Variants in POLR3E observed in about 807,000 individuals in gnomAD.
The protein encoded by POLR3E is DNA-directed RNA polymerase III subunit RPC5.
A neutral mutation model predicts 96.6 loss-of-function variants in POLR3E; 41 were observed. The ratio of observed to expected loss-of-function variants is 0.42; its 90% confidence interval spans 0.33 to 0.55. The LOEUF (loss-of-function observed/expected upper bound fraction) is 0.55, where lower values mean the gene tolerates loss of function less well. Ranked by LOEUF, POLR3E falls within the 20% of genes least tolerant of loss-of-function variation. The pLI is 0.06. For missense variants in POLR3E, 849 were observed against 952.1 expected (o/e 0.89, Z 1.43); for synonymous variants, 396 against 383.6 (o/e 1.03, Z -0.38).
chr16:22,325,440 A>T, intron 17 of POLR3E, 174 bp downstream of exon 17: 1 of 660,086 alleles, frequency 1.5e-6, no homozygotes, highest in Non-Finnish European at 2.7e-6. Context: ...TCGCTTGCCC[A>T]GCAGCAGAGC....
chr16:22,299,218 G>A (rs1045393676), intron 1 of POLR3E, among the ~76,000 whole-genome samples: 2 of 152,126 alleles, frequency 1.3e-5, no homozygotes, highest in African/African-American at 2.4e-5. Flanking sequence ...AATAGATGAT[G>A]TGCAAAGGAC....
chr16:22,298,117 A>G (rs915574647), intron 1 of POLR3E, among the ~76,000 whole-genome samples: 1 of 152,262 alleles, frequency 6.6e-6, no homozygotes, highest in Admixed American at 6.5e-5. Context: ...TGTTCCGGAT[A>G]CAGCCCTGAC....
Position 22,316,967 on chromosome 16 carries a change from A to G in POLR3E, c.729-28A>G, listed in dbSNP as rs766290987. Reference sequence around the variant, plus strand: ...GAGGGTCCAGCCTGGATCAGCCCTGAGCCTCTGCCCCTGCCATGTCCCTGC... The same window carrying G: ...GAGGGTCCAGCCTGGATCAGCCCTGGGCCTCTGCCCCTGCCATGTCCCTGC... On this transcript the variant is annotated intron_variant, in intron 10 of 20. Transcript: ENST00000299853. The G allele has an allele frequency of 4.3e-6, 7 of 1,613,204 alleles. No individual in the cohort carries two copies. In the South Asian group the frequency reaches 6.6e-5, roughly 15 times the overall value.
Position 22,325,882 on chromosome 16 carries a change from G to T in POLR3E, c.1470G>T (p.Ala490=), listed in dbSNP as rs377660610. The change falls in exon 18 of 21, where the codon GCG becomes GCT. Residue 490 remains alanine (A), a synonymous_variant. Coordinates refer to ENST00000299853, the MANE Select transcript of POLR3E (RefSeq NM_018119.4). ...GGAAGGAGCAGCTGCGGGTGCCTGCGGTCCCGCCCGGTGTGCGGATCAAGG... is the reference window on the plus strand; with the variant it reads ...GGAAGGAGCAGCTGCGGGTGCCTGCTGTCCCGCCCGGTGTGCGGATCAAGG... The part of the protein sequence containing the change: ...QRRKEQLRVP[A]VPPGVRIKEE... 4 of 1,609,462 alleles carry T rather than the reference G, an allele frequency of 2.5e-6. No homozygotes were observed. In the Admixed American group the frequency reaches 5.1e-5, roughly 20 times the overall value.
rs144544675 is a variant in POLR3E, at chr16:22,317,671, T to G, written c.865+465T>G. On this transcript the variant is annotated intron_variant, in intron 12 of 20. Coordinates refer to ENST00000299853, the MANE Select transcript of POLR3E (RefSeq NM_018119.4). Reference sequence around the variant, plus strand: ...TGTTGTTGTTGTTGTTGTTGTTTTTTTTTTTAAGGTTTTTTTAAAGGTTTT... The same window carrying G: ...TGTTGTTGTTGTTGTTGTTGTTTTTGTTTTTAAGGTTTTTTTAAAGGTTTT... Among the ~76,000 whole-genome samples the G allele has an allele frequency of 4.3e-3, 643 of 150,298 alleles. 13 individuals are homozygous for G. In the East Asian group the frequency reaches 0.074, roughly 17 times the overall value.
In POLR3E at chr16:22,334,379, TCA is replaced by T. The variant is rs1388206416; in HGVS notation, c.*683_*684del. On this transcript the variant is annotated 3_prime_UTR_variant, in exon 21 of 21. Coordinates refer to ENST00000299853, the MANE Select transcript of POLR3E (RefSeq NM_018119.4). ...ATGGAACAATGTGTAAGTGAGGTTA[TCA>T]CACTTTGATGTAAAAATTTCTATTT... The T allele has an allele frequency of 6.6e-6, 1 of 152,246 alleles. No individual in the cohort carries two copies. The highest frequency in any genetic ancestry group is 1.5e-5 in the Non-Finnish European group (1 of 68,036). 9.4% of individuals were successfully genotyped at this position (152,246 alleles called of 1,614,324 possible). A position where few individuals can be genotyped will look rare whatever the true frequency, so the allele number is the denominator to read the frequency against.
intron 13 of POLR3E, among the ~76,000 whole-genome samples, chr16:22,320,770 G>A (rs955752149): frequency 1.3e-5 from 2 of 152,038 alleles, no homozygotes; most frequent in African/African-American, 4.8e-5. Context: ...CTTGGTTTTT[G>A]TGTGTCTGGA....
intron 19 of POLR3E, among the ~76,000 whole-genome samples, chr16:22,330,851 T>C (rs1275876141): frequency 1.3e-5 from 2 of 152,192 alleles, no homozygotes; most frequent in African/African-American, 4.8e-5. Flanking sequence ...CTCCTCTTAA[T>C]GTTTGCAGAA....
chr16:22,327,336 T>G (rs2048620047), intron 18 of POLR3E: 1 of 152,122 alleles, frequency 6.6e-6, no homozygotes, highest in Non-Finnish European at 1.5e-5. Flanking sequence ...ACTGGCAGAG[T>G]TCGGAGCTCC....
At position 22,324,769 on chromosome 16, in the gene POLR3E, G is replaced by A. The variant is rs116674302; in HGVS notation, c.1286+109G>A. 3.0e-4 allele frequency: 366 copies of A among 1,239,320 alleles called. 1 individual carries two copies. In the African/African-American group the frequency reaches 5.1e-3, roughly 17 times the overall value. The allele number at this position is 1,239,320 out of a possible 1,614,324, so 76.8% of individuals were successfully genotyped here. A position where few individuals can be genotyped will look rare whatever the true frequency, so the allele number is the denominator to read the frequency against. On this transcript the variant is annotated intron_variant, in intron 16 of 20. Coordinates refer to ENST00000299853, the MANE Select transcript of POLR3E (RefSeq NM_018119.4). ...CAATCTCTAGAAACCCCACATCTGGGGAGAGCGCAGTTGGGCTGGATCTGG... is the reference window on the plus strand; with the variant it reads ...CAATCTCTAGAAACCCCACATCTGGAGAGAGCGCAGTTGGGCTGGATCTGG...
chr16:22,314,947 A>C, intron 8 of POLR3E, 142 bp from the exon 9 acceptor site: 1 of 830,130 alleles, frequency 1.2e-6, no homozygotes, highest in Non-Finnish European at 1.8e-6. Context: ...TTGGAACGGA[A>C]TTTAAACGAC....
chr16:22,319,634 C>G (rs578251357), intron 13 of POLR3E, among the ~76,000 whole-genome samples: 1 of 152,176 alleles, frequency 6.6e-6, no homozygotes, highest in South Asian at 2.1e-4. Flanking sequence ...CTCCTGACCT[C>G]GTGATCTGCC....
At chr16:22,305,894 C>T (rs747408932) in intron 3 of POLR3E, among the ~76,000 whole-genome samples, 15 of 152,266 alleles carry the variant, frequency 9.9e-5, no homozygotes, top group Non-Finnish European at 1.5e-4. Flanking sequence ...ATTTTATAAC[C>T]GATATATTGA....
At chr16:22,312,949 G>C (rs2048279091) in intron 6 of POLR3E, among the ~76,000 whole-genome samples, 1 of 149,968 alleles carries the variant, frequency 6.7e-6, no homozygotes, top group South Asian at 2.1e-4. Flanking sequence ...AAACTAATCT[G>C]AACACTTAGG....
intron 3 of POLR3E, among the ~76,000 whole-genome samples, chr16:22,306,219 A>G (rs975449386): frequency 3.3e-5 from 5 of 152,074 alleles, no homozygotes; most frequent in Admixed American, 1.3e-4. Context: ...GCTCATCCAC[A>G]TGGTAGCTAT....
chr16:22,320,669 G>A (rs1292765372), intron 13 of POLR3E, among the ~76,000 whole-genome samples: 2 of 152,062 alleles, frequency 1.3e-5, no homozygotes, highest in African/African-American at 4.8e-5. Flanking sequence ...ATTTCTTTCT[G>A]CATCTCTAAG....
In POLR3E at chr16:22,319,047, T is replaced by C. The variant is rs562346056; in HGVS notation, c.986+101T>C. 129 of 795,674 alleles carry C rather than the reference T, an allele frequency of 1.6e-4. No individual in the cohort carries two copies. The African/African-American group carries it at 2.1e-3, about 13-fold the overall frequency. The allele number at this position is 795,674 out of a possible 1,614,324, so 49.3% of individuals were successfully genotyped here. A position where few individuals can be genotyped will look rare whatever the true frequency, so the allele number is the denominator to read the frequency against. On this transcript the variant is annotated intron_variant, in intron 13 of 20. Coordinates refer to ENST00000299853, the MANE Select transcript of POLR3E (RefSeq NM_018119.4). ...TGGTGTGTAGTGGCGCAATCTCGGC[T>C]CACTGTAACTTCTCCCTCCCAGGTC...
At chr16:22,312,457 A>G (rs2141759152) in intron 6 of POLR3E, among the ~76,000 whole-genome samples, 1 of 152,252 alleles carries the variant, frequency 6.6e-6, no homozygotes, top group African/African-American at 2.4e-5. Flanking sequence ...AGATCGCACC[A>G]CTGAATATCC....
intron 3 of POLR3E, chr16:22,305,461 C>T (rs2048115367): frequency 2.9e-6 from 2 of 679,202 alleles, no homozygotes; most frequent in African/African-American, 1.8e-5. Context: ...GGATTGAGAT[C>T]CAACTCCATC....
Sources: allele counts gnomAD v4.1 joint callset (sites outside exome capture counted in the v4.1 genomes callset), GRCh38; gene constraint gnomAD v4.1.1; transcripts MANE v1.5; gene names NCBI Gene and HGNC (gene_info 2026-07-23, HGNC 2026-07-21).